The following DIAPH2 variants were observed in gnomAD, a reference collection of about 807,000 sequenced individuals.
DIAPH2 encodes diaphanous related formin 2.
Under a neutral mutation model 92.7 loss-of-function variants are expected in DIAPH2, and 35 were observed. The observed-to-expected ratio is 0.38, with a 90% CI of 0.29 to 0.50. The LOEUF (loss-of-function observed/expected upper bound fraction) is 0.50. DIAPH2 is among the 20% of genes least tolerant of loss of function. DIAPH2 has a pLI of 0.94. For missense variants in DIAPH2, 701 were observed against 819.5 expected (o/e 0.86, Z 1.77); for synonymous variants, 301 against 280.4 (o/e 1.07, Z -0.73).
intron 1 of DIAPH2, among the ~76,000 whole-genome samples, chrX:96,687,462 C>T (rs1445583330): frequency 2.0e-4 from 21 of 105,577 alleles, no homozygotes; most frequent in Non-Finnish European, 2.9e-4. Flanking sequence ...TTTTTTGGGA[C>T]GAAGTCTCGC....
At chrX:96,774,119 C>G (rs776662910) in intron 4 of DIAPH2, among the ~76,000 whole-genome samples, 2 of 111,647 alleles carry the variant, frequency 1.8e-5, no homozygotes, top group East Asian at 5.6e-4. Context: ...ATTATCACCC[C>G]CATTTTATAG....
Position 97,185,395 on chromosome X carries a change from G to A in DIAPH2, c.2719+43601G>A, listed in dbSNP as rs55754054. Among the ~76,000 whole-genome samples, 182 of 17,821 alleles carry A rather than the reference G, an allele frequency of 0.01. 23 individuals are homozygous for A. The South Asian group carries it at 0.13, about 13-fold the overall frequency. The allele number at this position is 17,821 out of a possible 115,157, so 15.5% of individuals were successfully genotyped here. A position where few individuals can be genotyped will look rare whatever the true frequency, so the allele number is the denominator to read the frequency against. ...TATATATATATGTATATATATATGT[G>A]TATATATATATATATGTATATATAT... On this transcript the variant is annotated intron_variant, in intron 22 of 26. Coordinates refer to ENST00000324765, the MANE Select transcript of DIAPH2 (RefSeq NM_006729.5).
chrX:97,040,856 G>A (rs774975793), intron 17 of DIAPH2, among the ~76,000 whole-genome samples: 1 of 110,632 alleles, frequency 9.0e-6, no homozygotes, highest in Admixed American at 9.6e-5. Flanking sequence ...AAATTATGCA[G>A]AAATCTCAGA....
chrX:96,836,704 TA>T, intron 4 of DIAPH2, among the ~76,000 whole-genome samples: 1 of 22,899 alleles, frequency 4.4e-5, no homozygotes. Context: ...TATATATATA[TA>T]TATATATATA....
At chrX:96,750,068 T>G (rs1262359507) in intron 3 of DIAPH2, among the ~76,000 whole-genome samples, 1 of 100,166 alleles carries the variant, frequency 1.0e-5, no homozygotes, top group Admixed American at 1.1e-4. Context: ...TTTTTTTTTT[T>G]TTTTTTTGAG....
intron 24 of DIAPH2, among the ~76,000 whole-genome samples, chrX:97,377,770 T>TAA (rs2069514627): frequency 9.0e-6 from 1 of 111,538 alleles, no homozygotes; most frequent in African/African-American, 3.3e-5. Context: ...AATTTCCTAT[T>TAA]ATTTTTACTC....
At chrX:97,557,290 G>A (rs2071264068) in intron 26 of DIAPH2, among the ~76,000 whole-genome samples, 1 of 111,647 alleles carries the variant, frequency 9.0e-6, no homozygotes. Context: ...TGTAATCCCA[G>A]CACTTTGGGA....
chrX:97,185,411 GTATATATATA>G (rs1404623784), intron 22 of DIAPH2, among the ~76,000 whole-genome samples: 1 of 26,648 alleles, frequency 3.8e-5, no homozygotes, highest in African/African-American at 2.3e-4. Context: ...ATATATATAT[GTATATATATA>G]TGTATATATA....
Position 96,710,471 on chromosome X carries a change from C to A in DIAPH2, c.132+25281C>A, listed in dbSNP as rs767090086. Among the ~76,000 whole-genome samples, 143 of 111,524 alleles carry A rather than the reference C, an allele frequency of 1.3e-3. 1 individual carries two copies. The highest frequency in any genetic ancestry group is 2.3e-3 in the Admixed American group (24 of 10,469). The stretch of plus-strand genomic sequence containing the variant: ...CATATCACATTTTCATTGTAAATTG[C>A]TGCTTTACTCTCCTGTCTGCCACAT... On this transcript the variant is annotated intron_variant, in intron 1 of 26. Transcript: ENST00000324765.
At chrX:96,946,990 A>C (rs1372232656) in intron 14 of DIAPH2, among the ~76,000 whole-genome samples, 4 of 111,625 alleles carry the variant, frequency 3.6e-5, no homozygotes, top group Admixed American at 9.5e-5. Flanking sequence ...CAAGTACTAG[A>C]ATGAGAGGCA....
chrX:97,293,388 G>A, intron 23 of DIAPH2, among the ~76,000 whole-genome samples: 3 of 108,887 alleles, frequency 2.8e-5, no homozygotes. Context: ...GAGTAGCTGG[G>A]ATTACAGGCA....
chrX:97,026,252 A>G (rs1196667877), intron 17 of DIAPH2, among the ~76,000 whole-genome samples: 1 of 112,213 alleles, frequency 8.9e-6, no homozygotes, highest in Non-Finnish European at 1.9e-5. Context: ...ATATTGTTGC[A>G]TAGTTGTTAG....
intron 5 of DIAPH2, among the ~76,000 whole-genome samples, chrX:96,887,073 T>A (rs961636829): frequency 9.0e-6 from 1 of 110,972 alleles, no homozygotes; most frequent in Non-Finnish European, 1.9e-5. Context: ...CTTTTAAAAT[T>A]ACTCCTCCCA....
rs141596921 is a variant in DIAPH2 at position 97,473,058 on chromosome X, T to C, written c.3241+43313T>C. On this transcript the variant is annotated intron_variant, in intron 26 of 26. Coordinates refer to ENST00000324765, the MANE Select transcript of DIAPH2 (RefSeq NM_006729.5). ...CCTGTTCTAACTATTCCAGATCTCATAGAGTCATGTCCTCCTCATGCCTTG... is the reference window on the plus strand; with the variant it reads ...CCTGTTCTAACTATTCCAGATCTCACAGAGTCATGTCCTCCTCATGCCTTG... 1.2e-4 allele frequency among the ~76,000 whole-genome samples: 14 copies of C among 112,484 alleles called. No homozygotes were observed. The South Asian group carries it at 1.5e-3, about 12-fold the overall frequency.
At position 96,949,569 on chromosome X, in the gene DIAPH2, C is replaced by T. The variant is rs1478133096; in HGVS notation, c.1614+530C>T. ...ATTAAGAAATTGAAGATGGGCCAGG[C>T]ATGGTGGCTCACGCCTATAATCCCA... On this transcript the variant is annotated intron_variant, in intron 15 of 26. Transcript: ENST00000324765. Among the ~76,000 whole-genome samples the T allele has an allele frequency of 9.3e-5, 10 of 107,843 alleles. No homozygotes were observed. The East Asian group carries it at 2.9e-3, about 31-fold the overall frequency. The allele number at this position is 107,843 out of a possible 115,157, so 93.6% of individuals were successfully genotyped here.
intron 26 of DIAPH2, among the ~76,000 whole-genome samples, chrX:97,537,923 T>C (rs1009411940): frequency 1.5e-4 from 16 of 105,906 alleles, no homozygotes; most frequent in Middle Eastern, 4.7e-3. Context: ...CTCGTTCTGT[T>C]GCCCAGGCTG....
At chrX:97,198,451 G>A (rs945427368) in intron 22 of DIAPH2, among the ~76,000 whole-genome samples, 1 of 110,266 alleles carries the variant, frequency 9.1e-6, no homozygotes, top group Admixed American at 9.8e-5. Flanking sequence ...CTTACGAAGT[G>A]GATGAAACTA....
chrX:97,395,051 A>G (rs773361560), intron 25 of DIAPH2, among the ~76,000 whole-genome samples: 1 of 112,036 alleles, frequency 8.9e-6, no homozygotes, highest in Non-Finnish European at 1.9e-5. Context: ...GAGAGGATAC[A>G]TGTAAATCTC....
At chrX:96,705,965 C>T (rs1440159636) in intron 1 of DIAPH2, among the ~76,000 whole-genome samples, 1 of 112,257 alleles carries the variant, frequency 8.9e-6, no homozygotes, top group Non-Finnish European at 1.9e-5. Context: ...AAATGGCAGC[C>T]CTGCAAGTCA....
Sources: gnomAD v4.1 joint callset for allele counts (sites outside exome capture counted in the v4.1 genomes callset) on GRCh38, gnomAD v4.1.1 for gene constraint, MANE v1.5 for transcripts, NCBI Gene and HGNC (gene_info 2026-07-23, HGNC 2026-07-21) for gene names.